The following SAMD4B variants were observed in gnomAD, a reference collection of about 807,000 sequenced individuals.
The protein encoded by SAMD4B is protein Smaug homolog 2.
A neutral mutation model predicts 74.5 loss-of-function variants in SAMD4B; 5 were observed. The ratio of observed to expected loss-of-function variants is 0.07; its 90% CI spans 0.04 to 0.14. SAMD4B has a LOEUF of 0.14. Ranked by LOEUF, SAMD4B falls within the 10% of genes least tolerant of loss-of-function variation. The pLI is 1.00. For missense variants in SAMD4B, 608 were observed against 921.8 expected, an observed-to-expected ratio of 0.66 and a Z score of 4.41; for synonymous variants, 373 against 374.9, an observed-to-expected ratio of 1.00 and a Z score of 0.06.
intron 1 of SAMD4B, among the ~76,000 whole-genome samples, chr19:39,345,223 T>G (rs1456096081): frequency 6.6e-6 from 1 of 152,176 alleles, no homozygotes; most frequent in Non-Finnish European, 1.5e-5. Context: ...TATGCCTCTG[T>G]GCCCTACTGC....
intron 2 of SAMD4B, among the ~76,000 whole-genome samples, chr19:39,354,347 C>G (rs1478662463): frequency 6.6e-6 from 1 of 152,230 alleles, no homozygotes; most frequent in Non-Finnish European, 1.5e-5. Context: ...TGAGTCTTCT[C>G]TTCCCCAGAG....
chr19:39,374,871 C>A (rs754220424), intron 4 of SAMD4B, among the ~76,000 whole-genome samples: 1 of 150,334 alleles, frequency 6.7e-6, no homozygotes, highest in Admixed American at 6.7e-5. Flanking sequence ...AAAAAATAAA[C>A]AAATAACTTG....
intron 1 of SAMD4B, chr19:39,350,738 C>T (rs887649087): frequency 6.6e-6 from 1 of 152,062 alleles, no homozygotes; most frequent in Non-Finnish European, 1.5e-5. Flanking sequence ...ATCCGCCCGT[C>T]TCGGCCCCCC....
chr19:39,359,182 G>A (rs146047671), intron 3 of SAMD4B, among the ~76,000 whole-genome samples: 1 of 152,294 alleles, frequency 6.6e-6, no homozygotes, highest in East Asian at 1.9e-4. Context: ...GGGCTCCTGT[G>A]GGGCAGGCCA....
chr19:39,387,142 T>G, downstream of SAMD4B: 3 of 433,018 alleles, frequency 6.9e-6, no homozygotes, highest in Non-Finnish European at 1.3e-5. Flanking sequence ...ACGTACATAG[T>G]ATAGCCTACT....
chr19:39,345,379 T>C (rs1600507410), intron 1 of SAMD4B, among the ~76,000 whole-genome samples: 1 of 152,256 alleles, frequency 6.6e-6, no homozygotes, highest in East Asian at 1.9e-4. Context: ...TACTTTTGAA[T>C]GGTTTCTTTT....
rs746827981 is a variant in SAMD4B at position 39,383,661 on chromosome 19, C to T, written c.*134C>T. 70 of 1,584,820 alleles carry T rather than the reference C, an allele frequency of 4.4e-5. No individual in the cohort carries two copies. In the Admixed American group the frequency reaches 6.4e-4, roughly 14 times the overall value. Reference sequence around the variant, plus strand: ...TTCTAATATTTTTCTACTCTCTTACCCTCTTAACTTTTGTTTAACATTGGC... The same window carrying T: ...TTCTAATATTTTTCTACTCTCTTACTCTCTTAACTTTTGTTTAACATTGGC... On this transcript the variant is annotated 3_prime_UTR_variant, in exon 14 of 14. Coordinates refer to ENST00000610417, the MANE Select transcript of SAMD4B (RefSeq NM_001384574.2). The surrounding 1 kb of genome is among the most constrained non-coding windows in gnomAD (Gnocchi z 4.1).
At chr19:39,381,187 A>C in intron 12 of SAMD4B, 74 bp downstream of exon 12, 27 of 1,500,084 alleles carry the variant, frequency 1.8e-5, no homozygotes, top group Non-Finnish European at 2.3e-5. Context: ...CCTGGGTCTC[A>C]TGTCCACTGT....
chr19:39,377,535 G>A lies in SAMD4B; in HGVS notation c.1155G>A (p.Gln385=). ...NLRNALQELQ[Q]IIITPIKAYS... Reference sequence around the variant, plus strand: ...GAAACGCTCTGCAGGAGCTGCAGCAGATCATCATCACTCCCATCAAGGCCT... The same window carrying A: ...GAAACGCTCTGCAGGAGCTGCAGCAAATCATCATCACTCCCATCAAGGCCT... Residue 385 remains glutamine, a synonymous_variant, in exon 8 of 14, where the codon CAG becomes CAA. Coordinates refer to ENST00000610417, the MANE Select transcript of SAMD4B (RefSeq NM_001384574.2). The A allele has an allele frequency of 6.2e-7, 1 of 1,600,142 alleles. No homozygotes were observed. Among genetic ancestry groups the A allele is most frequent in the African/African-American group, 1.3e-5 (1 of 74,732 alleles).
chr19:39,376,210 A>G (rs779330654), intron 5 of SAMD4B, among the ~76,000 whole-genome samples: 4 of 152,144 alleles, frequency 2.6e-5, no homozygotes, highest in Non-Finnish European at 4.4e-5. Context: ...CCTGGTATAC[A>G]TCCAGCCTAG....
chr19:39,357,576 C>G (rs73546081), intron 3 of SAMD4B, among the ~76,000 whole-genome samples: 2 of 152,136 alleles, frequency 1.3e-5, no homozygotes, highest in Non-Finnish European at 2.9e-5. Context: ...ACAGTTCATC[C>G]TGTCAGTTCC....
rs186924152 is a variant in SAMD4B, at chr19:39,348,141, A to G, written c.-267+5565A>G. The G allele has an allele frequency of 5.3e-5, 8 of 152,344 alleles. No individual in the cohort carries two copies. The East Asian group carries it at 7.7e-4, about 15-fold the overall frequency. 9.4% of individuals were successfully genotyped at this position (152,344 alleles called of 1,614,324 possible). On this transcript the variant is annotated intron_variant, in intron 1 of 13. Coordinates refer to ENST00000610417, the MANE Select transcript of SAMD4B (RefSeq NM_001384574.2). ...AACATTCTAATCTAAGCATTGTTACATGCAGAAAAAGGACCTCTGCAAGGT... is the reference window on the plus strand; with the variant it reads ...AACATTCTAATCTAAGCATTGTTACGTGCAGAAAAAGGACCTCTGCAAGGT...
chr19:39,389,172 A>T, downstream of SAMD4B: 1 of 1,614,118 alleles, frequency 6.2e-7, no homozygotes, highest in Non-Finnish European at 8.5e-7. This position sits in a 1 kb window ranked among gnomAD's most constrained non-coding sequence, Gnocchi z 5.3. Flanking sequence ...TTCCTCGGTA[A>T]ACTGCTGCTT....
Position 39,369,826 on chromosome 19 carries a change from G to A in SAMD4B, c.368G>A (p.Arg123His). ...AGCAATGCTTTCATCGAGGAGAGTC[G>A]CCAGCTGCTTTCCTATGCCCTCATC... ...IESNAFIEES[R>H]QLLSYALIHP... The change falls in exon 4 of 14, where the codon CGC becomes CAC. Residue 123 changes from arginine to histidine, a missense_variant. Coordinates refer to ENST00000610417, the MANE Select transcript of SAMD4B (RefSeq NM_001384574.2). The A allele has an allele frequency of 2.5e-6, 4 of 1,614,240 alleles. No homozygotes were observed. Among genetic ancestry groups the A allele is most frequent in the South Asian group, 2.2e-5 (2 of 91,084 alleles).
At chr19:39,347,580 A>C (rs1237382499) in intron 1 of SAMD4B, among the ~76,000 whole-genome samples, 1 of 152,146 alleles carries the variant, frequency 6.6e-6, no homozygotes, top group East Asian at 1.9e-4. Context: ...ATCACGGGTG[A>C]TATGAGGTGA....
chr19:39,379,841 G>T lies in SAMD4B; in HGVS notation c.1531-125G>T, dbSNP rs1185492967. 10 of 762,106 alleles carry T rather than the reference G, an allele frequency of 1.3e-5. No individual in the cohort carries two copies. The South Asian group carries it at 1.8e-4, about 13-fold the overall frequency. The allele number at this position is 762,106 out of a possible 1,614,324, so 47.2% of individuals were successfully genotyped here. On this transcript the variant is annotated intron_variant, in intron 9 of 13. Transcript: ENST00000610417. ...CCGCCTCAGCCTCCCAAAGTGCTGG[G>T]ATTACAGCTTGAGCCACCACGCCCG...
chr19:39,389,048 C>T, downstream of SAMD4B: 1 of 1,613,096 alleles, frequency 6.2e-7, no homozygotes, highest in Non-Finnish European at 8.5e-7. The surrounding 1 kb of genome is among the most constrained non-coding windows in gnomAD (Gnocchi z 5.3). Flanking sequence ...AGGAGGAGCT[C>T]TGCAGCCGCA....
chr19:39,364,933 G>A (rs1404069287), intron 3 of SAMD4B, among the ~76,000 whole-genome samples: 2 of 152,084 alleles, frequency 1.3e-5, no homozygotes, highest in Admixed American at 1.3e-4. Context: ...AGAGATAAAA[G>A]GTTGTGGGTA....
chr19:39,345,101 G>C (rs577664860), intron 1 of SAMD4B, among the ~76,000 whole-genome samples: 3 of 152,182 alleles, frequency 2.0e-5, no homozygotes, highest in Non-Finnish European at 4.4e-5. Flanking sequence ...GCAATCAAGA[G>C]TTTTTAACAA....
Sources: gnomAD v4.1 joint callset for allele counts (sites outside exome capture counted in the v4.1 genomes callset) on GRCh38, gnomAD v4.1.1 for gene constraint, Gnocchi (gnomAD v3.1) non-coding constraint, MANE v1.5 for transcripts, NCBI Gene and HGNC (gene_info 2026-07-23, HGNC 2026-07-21) for gene names.